The following ZNF844 variants were observed in gnomAD, a reference collection of about 807,000 sequenced individuals.
ZNF844 encodes zinc finger protein 844.
Under a neutral mutation model 11.4 loss-of-function variants are expected in ZNF844, and 11 were observed. The ratio of observed to expected loss-of-function variants is 0.97; its 90% CI spans 0.61 to 1.60. ZNF844 has a LOEUF of 1.60. Among genes scored for constraint, ZNF844 ranks in the 40% most tolerant of loss-of-function variants. The pLI is 0.00. For missense variants in ZNF844, 790 were observed against 796.8 expected, an observed-to-expected ratio of 0.99 and a Z score of 0.10; for synonymous variants, 248 against 260.3, an observed-to-expected ratio of 0.95 and a Z score of 0.46.
chr19:12,069,356 G>A (rs1375974342), intron 1 of ZNF844, among the ~76,000 whole-genome samples: 1 of 150,892 alleles, frequency 6.6e-6, no homozygotes, highest in Non-Finnish European at 1.5e-5. Flanking sequence ...CTAATTTTTT[G>A]TATTGTTAGT....
At chr19:12,074,275 C>T in intron 2 of ZNF844, 86 bp from the exon 3 acceptor site, 2 of 1,516,652 alleles carry the variant, frequency 1.3e-6, no homozygotes, top group South Asian at 1.2e-5. Flanking sequence ...TGAGGTATGG[C>T]TCTAATGTCC....
chr19:12,065,796 T>A (rs1179157078), intron 1 of ZNF844, among the ~76,000 whole-genome samples: 1 of 151,854 alleles, frequency 6.6e-6, no homozygotes, highest in African/African-American at 2.4e-5. Flanking sequence ...CACCACGCCC[T>A]GCTGATTTCT....
At position 12,064,849 on chromosome 19, in the gene ZNF844, G is replaced by T. The variant is rs371105970; in HGVS notation, c.-25G>T. ...CGTCTGTGTTGTGACTGCTTTGGAC[G>T]TGGGAGTCACCTGAAAGCCAGGAAA... is the stretch of plus-strand genomic sequence containing the variant. On this transcript the variant is annotated 5_prime_UTR_variant, in exon 1 of 4. Coordinates refer to ENST00000439326, the MANE Select transcript of ZNF844 (RefSeq NM_001136501.3). 69 of 1,549,480 alleles carry T rather than the reference G, an allele frequency of 4.5e-5. No individual in the cohort carries two copies. In the African/African-American group the frequency reaches 8.3e-4, roughly 19 times the overall value.
chr19:12,080,523 G>C lies in ZNF844; in HGVS notation c.*3402G>C, dbSNP rs760655049. On this transcript the variant is annotated 3_prime_UTR_variant, in exon 4 of 4. Coordinates refer to ENST00000439326, the MANE Select transcript of ZNF844 (RefSeq NM_001136501.3). ...CCAAACAGGTGCCACATCCATACAG[G>C]CTGACTCCCTGCTCCCAGCCCATTT... 1.3e-4 allele frequency: 26 copies of C among 197,032 alleles called. No individual in the cohort carries two copies. The highest frequency in any genetic ancestry group is 2.0e-4 in the Non-Finnish European group (19 of 94,192). The allele number at this position is 197,032 out of a possible 1,614,324, so 12.2% of individuals were successfully genotyped here. A position where few individuals can be genotyped will look rare whatever the true frequency, so the allele number is the denominator to read the frequency against.
chr19:12,064,924 G>A (rs1975670988), intron 1 of ZNF844, 48 bp downstream of exon 1: 1 of 1,546,830 alleles, frequency 6.5e-7, no homozygotes, highest in Non-Finnish European at 8.7e-7. Flanking sequence ...GGGAGGGTAG[G>A]CGGAGGCTGG....
chr19:12,065,801 A>G (rs1975681409), intron 1 of ZNF844, among the ~76,000 whole-genome samples: 1 of 151,418 alleles, frequency 6.6e-6, no homozygotes, highest in Non-Finnish European at 1.5e-5. Flanking sequence ...CGCCCTGCTG[A>G]TTTCTGTATT....
chr19:12,067,670 A>C (rs1599397469), intron 1 of ZNF844, among the ~76,000 whole-genome samples: 1 of 144,116 alleles, frequency 6.9e-6, no homozygotes, highest in South Asian at 2.3e-4. Flanking sequence ...TAATCCCAGC[A>C]CTTTGGGAGG....
rs1276030319 is a variant in ZNF844, at chr19:12,081,060, T to C, written c.*3939T>C. 1.3e-5 allele frequency: 2 copies of C among 152,280 alleles called. No individual in the cohort carries two copies. The highest frequency in any genetic ancestry group is 3.8e-4 in the East Asian group (2 of 5,198). The allele number at this position is 152,280 out of a possible 1,614,324, so 9.4% of individuals were successfully genotyped here. On this transcript the variant is annotated 3_prime_UTR_variant, in exon 4 of 4. Transcript: ENST00000439326. ...GTGATCCACTGTGCCTGGCCTGGTG[T>C]TTCTTTAGGTATAATGTCTTTACCA... is the stretch of plus-strand genomic sequence containing the variant.
chr19:12,076,308 T>G lies in ZNF844; in HGVS notation c.1188T>G (p.Thr396=), dbSNP rs1975816285. The G allele has an allele frequency of 6.2e-7, 1 of 1,613,772 alleles. No individual in the cohort carries two copies. Residue 396 remains threonine (T), a synonymous_variant, in exon 4 of 4, where the codon ACT becomes ACG. Coordinates refer to ENST00000439326, the MANE Select transcript of ZNF844 (RefSeq NM_001136501.3). ...AGAGAAACCTTATGAATGCAAGCACTGTGGTAAAGCCTTCAATCGTTCCAG... is the reference window on the plus strand; with the variant it reads ...AGAGAAACCTTATGAATGCAAGCACGGTGGTAAAGCCTTCAATCGTTCCAG... ...TLERNLMNAS[T]VVKPSIVPVP...
At chr19:12,066,902 A>G (rs1013035958) in intron 1 of ZNF844, among the ~76,000 whole-genome samples, 54 of 152,306 alleles carry the variant, frequency 3.5e-4, no homozygotes, top group African/African-American at 1.3e-3. Flanking sequence ...GCAGCTTGAA[A>G]GGTAAAGACA....
At chr19:12,073,594 A>G (rs1975775324) in intron 1 of ZNF844, among the ~76,000 whole-genome samples, 3 of 151,896 alleles carry the variant, frequency 2.0e-5, no homozygotes, top group Admixed American at 6.6e-5. Flanking sequence ...TGCTTCAATC[A>G]GAATAAAATC....
rs2145551334 is a variant in ZNF844, at chr19:12,077,831, T to A, written c.*710T>A. ...CTGCATACTAACATGTTATTCTGTATTTTTTTTTTCTTTTTGAGACAGAGT... is the reference window on the plus strand; with the variant it reads ...CTGCATACTAACATGTTATTCTGTAATTTTTTTTTCTTTTTGAGACAGAGT... On this transcript the variant is annotated 3_prime_UTR_variant, in exon 4 of 4. Coordinates refer to ENST00000439326, the MANE Select transcript of ZNF844 (RefSeq NM_001136501.3). The A allele has an allele frequency of 4.2e-6, 1 of 239,972 alleles. No homozygotes were observed. Among genetic ancestry groups the A allele is most frequent in the South Asian group, 4.2e-5 (1 of 23,764 alleles). 14.9% of individuals were successfully genotyped at this position (239,972 alleles called of 1,614,324 possible).
chr19:12,079,069 C>G lies in ZNF844; in HGVS notation c.*1948C>G, dbSNP rs1343235611. 1.3e-5 allele frequency: 2 copies of G among 151,874 alleles called. No homozygotes were observed. The highest frequency in any genetic ancestry group is 2.9e-5 in the Non-Finnish European group (2 of 67,992). The allele number at this position is 151,874 out of a possible 1,614,324, so 9.4% of individuals were successfully genotyped here. A position where few individuals can be genotyped will look rare whatever the true frequency, so the allele number is the denominator to read the frequency against. On this transcript the variant is annotated 3_prime_UTR_variant, in exon 4 of 4. Coordinates refer to ENST00000439326, the MANE Select transcript of ZNF844 (RefSeq NM_001136501.3). ...TTCACTATGTTGGCCAGGTTCGTCT[C>G]GAACTCCTGACCTCAGGTGATCCAC...
chr19:12,075,982 A>G lies in ZNF844; in HGVS notation c.862A>G (p.Lys288Glu), dbSNP rs1975809129. ...EKPYECKQCG[K>E]AFRWFHSFQI... ...GCCATATGAATGCAAACAATGTGGA[A>G]AAGCCTTCAGATGGTTCCATTCCTT... Residue 288 changes from lysine (K) to glutamate (E), a missense_variant, in exon 4 of 4, where the codon AAA (lysine) becomes GAA (glutamate). Physicochemically the swap from Lys to Glu is moderately conservative, Grantham distance 56. Around this residue, in one of 3 missense-constraint regions of ZNF844, gnomAD observed 657 missense variants for 636.2 expected, o/e 1.03. Coordinates refer to ENST00000439326, the MANE Select transcript of ZNF844 (RefSeq NM_001136501.3). 6.3e-7 allele frequency: 1 copy of G among 1,589,744 alleles called. No individual in the cohort carries two copies. The highest frequency in any genetic ancestry group is 1.1e-5 in the South Asian group (1 of 88,708).
chr19:12,072,539 GTT>G (rs942783276), intron 1 of ZNF844, among the ~76,000 whole-genome samples: 3 of 151,404 alleles, frequency 2.0e-5, no homozygotes, highest in Non-Finnish European at 4.4e-5. Context: ...ATTTCTCAAC[GTT>G]TTTTCCAAAC....
Position 12,078,866 on chromosome 19 carries a change from T to G in ZNF844, c.*1745T>G, listed in dbSNP as rs1975861246. 1 of 152,242 alleles carries G rather than the reference T, an allele frequency of 6.6e-6. No homozygotes were observed. Among genetic ancestry groups the G allele is most frequent in the African/African-American group, 2.4e-5 (1 of 41,430 alleles). 9.4% of individuals were successfully genotyped at this position (152,242 alleles called of 1,614,324 possible). ...CTCTCTCCCCGTTCATTTCTTTTTT[T>G]TTGAGACGGAGTCTTGCTCTGTCGC... On this transcript the variant is annotated 3_prime_UTR_variant, in exon 4 of 4. Coordinates refer to ENST00000439326, the MANE Select transcript of ZNF844 (RefSeq NM_001136501.3).
Position 12,073,980 on chromosome 19 carries a change from C to G in ZNF844, c.4-51C>G, listed in dbSNP as rs1975778954. ...CTTCTTAGGAAGAGGGTATAGACCC[C>G]CAGTGCTGTCAGTCTCACCCATCCT... is the stretch of plus-strand genomic sequence containing the variant. On this transcript the variant is annotated intron_variant, in intron 1 of 3. Transcript: ENST00000439326. 8 of 1,584,200 alleles carry G rather than the reference C, an allele frequency of 5.0e-6. No individual in the cohort carries two copies. In the Admixed American group the frequency reaches 1.3e-4, roughly 25 times the overall value.
Position 12,075,854 on chromosome 19 carries a change from G to T in ZNF844, c.734G>T (p.Arg245Ile). The stretch of plus-strand genomic sequence containing the variant: ...TCAACTTCCCTTCAAATACATGAAA[G>T]AACTCACACTGGAGAGAAGCCTTAT... ...SYSTSLQIHERTHTGEKPYEC... is the reference protein window; with the variant it reads ...SYSTSLQIHEITHTGEKPYEC... The change falls in exon 4 of 4, where the codon AGA (arginine) becomes ATA (isoleucine). Residue 245 changes from arginine to isoleucine, a missense_variant. Transcript: ENST00000439326. The T allele has an allele frequency of 6.2e-7, 1 of 1,611,302 alleles. No homozygotes were observed. The highest frequency in any genetic ancestry group is 2.2e-5 in the East Asian group (1 of 44,776).
chr19:12,076,241 T>G lies in ZNF844; in HGVS notation c.1121T>G (p.Ile374Ser). 2 of 1,608,976 alleles carry G rather than the reference T, an allele frequency of 1.2e-6. No individual in the cohort carries two copies. Among genetic ancestry groups the G allele is most frequent in the South Asian group, 1.1e-5 (1 of 90,538 alleles). ...TGTAAGACTGTGGAAAAGCCTTTGA[T>G]TCTCCCAGTTCGTTTTGAAGACATG... The part of the protein sequence containing the change: ...YKCKTVEKPL[I>S]LPVRFEDMKE... Residue 374 changes from isoleucine (I) to serine (S), a missense_variant, in exon 4 of 4, where the codon ATT becomes AGT. Ile to Ser is a moderately radical substitution (Grantham distance 142, BLOSUM62 -2). Around this residue, in one of 3 missense-constraint regions of ZNF844, gnomAD observed 657 missense variants for 636.2 expected, o/e 1.03. Transcript: ENST00000439326.
Sources: allele counts gnomAD v4.1 joint callset (sites outside exome capture counted in the v4.1 genomes callset), GRCh38; gene constraint gnomAD v4.1.1; regional missense constraint gnomAD v4.1.1; transcripts MANE v1.5; gene names NCBI Gene and HGNC (gene_info 2026-07-23, HGNC 2026-07-21).